PHF24: variants seen among roughly 807,000 people sequenced by gnomAD.
The protein encoded by PHF24 is Galpha inhibitory interacting protein.
A neutral mutation model predicts 42.6 loss-of-function variants in PHF24; 25 were observed. That is an observed-to-expected ratio of 0.59 (90% confidence interval 0.43 to 0.82). The LOEUF (loss-of-function observed/expected upper bound fraction) is 0.82. PHF24 is among the 40% of genes least tolerant of loss of function. The probability of loss-of-function intolerance (pLI) is 0.00; values close to 1 mark genes in which losing one functional copy is unlikely to be tolerated. For synonymous variants in PHF24, 185 were observed against 204.8 expected, an observed-to-expected ratio of 0.90 and a Z score of 0.83; for missense variants, 470 against 538.1, an observed-to-expected ratio of 0.87 and a Z score of 1.25.
the PHF24 span, among the ~76,000 whole-genome samples, chr9:34,887,829 T>A: frequency 6.6e-6 from 1 of 151,722 alleles, no homozygotes; most frequent in Non-Finnish European, 1.5e-5. Flanking sequence ...AGAGAGCAGA[T>A]TTTTTTTTCC....
At chr9:34,947,111 C>A in the PHF24 span, among the ~76,000 whole-genome samples, 2 of 152,204 alleles carry the variant, frequency 1.3e-5, no homozygotes, top group Non-Finnish European at 2.9e-5. Flanking sequence ...ACAGGGTGAG[C>A]TTGAGACTCG....
At chr9:34,826,583 T>TG in the PHF24 span, among the ~76,000 whole-genome samples, 81 of 152,372 alleles carry the variant, frequency 5.3e-4, no homozygotes, top group Admixed American at 1.5e-3. Flanking sequence ...TCACAGTCCC[T>TG]GCCCTCAACA....
At chr9:34,721,583 G>T in the PHF24 span, among the ~76,000 whole-genome samples, 58 of 152,158 alleles carry the variant, frequency 3.8e-4, no homozygotes, top group Middle Eastern at 3.4e-3. Flanking sequence ...GATAATTTTT[G>T]TATTTTTACT....
chr9:34,782,192 G>A, the PHF24 span, among the ~76,000 whole-genome samples: 1 of 152,186 alleles, frequency 6.6e-6, no homozygotes, highest in Non-Finnish European at 1.5e-5. Context: ...AGATCACAGA[G>A]GCAGTTAGCA....
At chr9:34,758,767 G>A in the PHF24 span, among the ~76,000 whole-genome samples, 329 of 152,210 alleles carry the variant, frequency 2.2e-3, no homozygotes, top group Non-Finnish European at 3.9e-3. The surrounding 1 kb of genome is among the most constrained non-coding windows in gnomAD (Gnocchi z 4.4). Flanking sequence ...TGAATATTAG[G>A]CAGCTCTCTA....
At chr9:34,691,569 T>A in the PHF24 span, among the ~76,000 whole-genome samples, 3 of 152,168 alleles carry the variant, frequency 2.0e-5, no homozygotes, top group African/African-American at 4.8e-5. Flanking sequence ...ACCATGAAGC[T>A]GGGGTTCAGA....
the PHF24 span, chr9:34,690,202 CA>C: frequency 1.2e-6 from 2 of 1,613,926 alleles, no homozygotes; most frequent in African/African-American, 2.7e-5. Flanking sequence ...ACCCTCCCCA[CA>C]ACTCACACTA....
exon 8 of PHF24, chr9:34,981,135 C>T (rs943094542): frequency 2.0e-5 from 3 of 152,256 alleles, no homozygotes; most frequent in African/African-American, 7.2e-5. Context: ...AAGTGCTCCT[C>T]TTCATTTGAG....
At chr9:34,774,720 C>T in the PHF24 span, among the ~76,000 whole-genome samples, 2 of 152,106 alleles carry the variant, frequency 1.3e-5, no homozygotes, top group African/African-American at 4.8e-5. Flanking sequence ...TTGGAGTGAG[C>T]AGAGATTGTG....
chr9:34,851,202 A>T, the PHF24 span, among the ~76,000 whole-genome samples: 2 of 152,164 alleles, frequency 1.3e-5, no homozygotes, highest in African/African-American at 2.4e-5. Flanking sequence ...CTGCCCCCAG[A>T]GGTGGTGCCT....
chr9:34,670,933 A>AC, the PHF24 span, among the ~76,000 whole-genome samples: 1 of 152,192 alleles, frequency 6.6e-6, no homozygotes, highest in Non-Finnish European at 1.5e-5. Flanking sequence ...TGGGCCTATC[A>AC]CAGTGCCTAT....
At chr9:34,881,353 T>A in the PHF24 span, among the ~76,000 whole-genome samples, 1 of 151,868 alleles carries the variant, frequency 6.6e-6, no homozygotes. Context: ...AAGAAATAAC[T>A]AAGATCAGAG....
the PHF24 span, among the ~76,000 whole-genome samples, chr9:34,866,507 T>A: frequency 6.6e-6 from 1 of 152,128 alleles, no homozygotes; most frequent in African/African-American, 2.4e-5. Context: ...ACATAAAAGG[T>A]GACCAGCCAC....
exon 8 of PHF24, chr9:34,981,728 CCTATTTT>C (rs980969608): frequency 6.6e-6 from 1 of 150,490 alleles, no homozygotes; most frequent in African/African-American, 2.5e-5. Context: ...AAATAAAATT[CCTATTTT>C]CTTTTTTTTT....
chr9:34,808,704 AGAG>A, the PHF24 span, among the ~76,000 whole-genome samples: 5 of 152,080 alleles, frequency 3.3e-5, no homozygotes, highest in African/African-American at 7.2e-5. Context: ...TTCACATGGC[AGAG>A]GAGAAGAGCC....
the PHF24 span, among the ~76,000 whole-genome samples, chr9:34,924,464 C>T: frequency 6.6e-6 from 1 of 152,154 alleles, no homozygotes; most frequent in South Asian, 2.1e-4. Flanking sequence ...GTGTTGGCTG[C>T]ATATACATTA....
At chr9:34,852,252 T>A in the PHF24 span, among the ~76,000 whole-genome samples, 9 of 152,270 alleles carry the variant, frequency 5.9e-5, no homozygotes, top group Non-Finnish European at 1.2e-4. Flanking sequence ...ATTTTGTTTA[T>A]GTTATTGATA....
At chr9:34,728,005 A>G in the PHF24 span, 2 of 1,551,026 alleles carry the variant, frequency 1.3e-6, no homozygotes, top group Non-Finnish European at 1.7e-6. Flanking sequence ...GATAGAGTGC[A>G]AAGAGCAATA....
the PHF24 span, among the ~76,000 whole-genome samples, chr9:34,797,616 G>T: frequency 6.6e-6 from 1 of 151,958 alleles, no homozygotes; most frequent in Non-Finnish European, 1.5e-5. Context: ...CCCTTCTGCC[G>T]GTGTGCTCCC....
Sources: gnomAD v4.1 joint callset for allele counts (sites outside exome capture counted in the v4.1 genomes callset) on GRCh38, gnomAD v4.1.1 for gene constraint, Gnocchi (gnomAD v3.1) non-coding constraint, MANE v1.5 for transcripts, NCBI Gene and HGNC (gene_info 2026-07-23, HGNC 2026-07-21) for gene names.